FARS2: variants seen among roughly 807,000 people sequenced by gnomAD.
FARS2 encodes phenylalanine--tRNA ligase, mitochondrial.
Under a neutral mutation model 46.4 loss-of-function variants are expected in FARS2, and 40 were observed. The ratio of observed to expected loss-of-function variants is 0.86; its 90% CI spans 0.67 to 1.12. The LOEUF (loss-of-function observed/expected upper bound fraction) is 1.12, where lower values mean the gene tolerates loss of function less well. Ranked by LOEUF, FARS2 falls within the 50% of genes most tolerant of loss-of-function variation. The pLI is 0.00. For missense variants in FARS2, 513 were observed against 567.9 expected (o/e 0.90, Z 0.98); for synonymous variants, 234 against 214.9 (o/e 1.09, Z -0.78).
At position 5,667,966 on chromosome 6, in the gene FARS2, T is replaced by G. The variant is rs569298103; in HGVS notation, c.1217+54646T>G. On this transcript the variant is annotated intron_variant, in intron 6 of 6. Coordinates refer to ENST00000274680, the MANE Select transcript of FARS2 (RefSeq NM_006567.5). Reference sequence around the variant, plus strand: ...GGATTTTGTGTGTGATGTGTGGGTTTCCTGAGCTGCTGAGCTTTTCCACAA... The same window carrying G: ...GGATTTTGTGTGTGATGTGTGGGTTGCCTGAGCTGCTGAGCTTTTCCACAA... 3.9e-5 allele frequency: 6 copies of G among 152,334 alleles called. 1 individual carries two copies. The South Asian group carries it at 1.2e-3, about 32-fold the overall frequency. 9.4% of individuals were successfully genotyped at this position (152,334 alleles called of 1,614,324 possible).
chr6:5,494,165 AT>A (rs1767307678), intron 4 of FARS2, among the ~76,000 whole-genome samples: 1 of 132,632 alleles, frequency 7.5e-6, no homozygotes. Flanking sequence ...CTTTGTGAGG[AT>A]GGTTTAAAAT....
At chr6:5,256,596 A>T (rs1297564129), upstream of FARS2, among the ~76,000 whole-genome samples, 1 of 149,018 alleles carries the variant, frequency 6.7e-6, no homozygotes, top group Non-Finnish European at 1.5e-5. Context: ...ATCAATTATG[A>T]CTCTCATTTT....
intron 4 of FARS2, among the ~76,000 whole-genome samples, chr6:5,512,445 G>T (rs183641623): frequency 6.6e-6 from 1 of 152,094 alleles, no homozygotes; most frequent in Non-Finnish European, 1.5e-5. Context: ...CTCAAGACTT[G>T]CATTGTTCAT....
At chr6:5,684,923 T>A (rs1171245128) in intron 6 of FARS2, among the ~76,000 whole-genome samples, 1 of 152,190 alleles carries the variant, frequency 6.6e-6, no homozygotes, top group Non-Finnish European at 1.5e-5. Context: ...AGAATTTGTG[T>A]GCCTTCCCCC....
chr6:5,602,596 G>A (rs771997804), intron 5 of FARS2, among the ~76,000 whole-genome samples: 6 of 128,452 alleles, frequency 4.7e-5, no homozygotes, highest in Non-Finnish European at 6.2e-5. Context: ...GCAGTGAGCC[G>A]AGATCATGCC....
At chr6:5,483,436 G>A (rs1246457499) in intron 4 of FARS2, among the ~76,000 whole-genome samples, 1 of 152,130 alleles carries the variant, frequency 6.6e-6, no homozygotes, top group Admixed American at 6.5e-5. Context: ...CCCAGGCCAA[G>A]GCAGGCGGGT....
intron 1 of FARS2, among the ~76,000 whole-genome samples, chr6:5,271,665 C>T (rs769560634): frequency 3.4e-5 from 5 of 145,428 alleles, no homozygotes; most frequent in African/African-American, 5.2e-5. Flanking sequence ...GGGGTTCAAG[C>T]GATTCTTCTA....
intron 1 of FARS2, among the ~76,000 whole-genome samples, chr6:5,298,549 A>G (rs934997777): frequency 3.3e-5 from 5 of 152,200 alleles, no homozygotes; most frequent in African/African-American, 1.2e-4. Context: ...GTTCCCAGCT[A>G]TGGCAGTACA....
intron 4 of FARS2, chr6:5,452,467 AC>A (rs1407232870): frequency 6.6e-6 from 1 of 152,220 alleles, no homozygotes; most frequent in Non-Finnish European, 1.5e-5. Flanking sequence ...TGTGCCATGC[AC>A]ACTCTGTTCA....
At chr6:5,738,566 A>G (rs374163009) in intron 6 of FARS2, among the ~76,000 whole-genome samples, 2 of 152,244 alleles carry the variant, frequency 1.3e-5, no homozygotes, top group East Asian at 1.9e-4. Flanking sequence ...AGCTATCTAC[A>G]TAATTATAAG....
intron 2 of FARS2, among the ~76,000 whole-genome samples, chr6:5,381,475 G>C (rs1390200530): frequency 6.6e-6 from 1 of 151,338 alleles, no homozygotes; most frequent in Non-Finnish European, 1.5e-5. Flanking sequence ...TTAGTTAAAG[G>C]GTTTTATGGG....
chr6:5,412,341 C>T (rs1446409402), intron 3 of FARS2, among the ~76,000 whole-genome samples: 1 of 152,228 alleles, frequency 6.6e-6, no homozygotes, highest in Admixed American at 6.5e-5. Flanking sequence ...GCTGTCTGCT[C>T]CAGACCTCTG....
At chr6:5,680,205 C>T (rs1778963614) in intron 6 of FARS2, among the ~76,000 whole-genome samples, 1 of 152,194 alleles carries the variant, frequency 6.6e-6, no homozygotes, top group South Asian at 2.1e-4. Flanking sequence ...TGTGCTTGGA[C>T]GTTGTGTGAA....
At chr6:5,422,154 C>G (rs1762585010) in intron 3 of FARS2, among the ~76,000 whole-genome samples, 1 of 152,122 alleles carries the variant, frequency 6.6e-6, no homozygotes, top group Admixed American at 6.5e-5. Context: ...AGAGCTTGTG[C>G]AGGGAAACTC....
intron 4 of FARS2, among the ~76,000 whole-genome samples, chr6:5,466,177 G>C (rs1017753887): frequency 1.3e-5 from 2 of 152,196 alleles, no homozygotes; most frequent in Non-Finnish European, 2.9e-5. Context: ...ACTCCTGGCT[G>C]TAGTGCCTTC....
chr6:5,377,180 T>G (rs78528053), intron 2 of FARS2, among the ~76,000 whole-genome samples: 3,091 of 152,296 alleles, frequency 0.02, 87 homozygotes, highest in African/African-American at 0.069. Flanking sequence ...TTAATCTGAT[T>G]AAAAATGTCA....
intron 1 of FARS2, among the ~76,000 whole-genome samples, chr6:5,279,072 G>A (rs1766533663): frequency 6.6e-6 from 1 of 152,094 alleles, no homozygotes; most frequent in African/African-American, 2.4e-5. Context: ...ACACAGCCAG[G>A]GATGTGAGAT....
At chr6:5,580,160 C>A (rs746531770) in intron 5 of FARS2, among the ~76,000 whole-genome samples, 1 of 150,958 alleles carries the variant, frequency 6.6e-6, no homozygotes, top group Admixed American at 6.6e-5. Flanking sequence ...CGTGGTGGTG[C>A]GCACCTGTAA....
At chr6:5,328,072 C>T (rs779714855) in intron 1 of FARS2, among the ~76,000 whole-genome samples, 2 of 152,184 alleles carry the variant, frequency 1.3e-5, no homozygotes, top group Non-Finnish European at 2.9e-5. Flanking sequence ...CAATTCATGT[C>T]ATTCTTTGCA....
Sources: gnomAD v4.1 joint callset for allele counts (sites outside exome capture counted in the v4.1 genomes callset) on GRCh38, gnomAD v4.1.1 for gene constraint, MANE v1.5 for transcripts, NCBI Gene and HGNC (gene_info 2026-07-23, HGNC 2026-07-21) for gene names.